Variants in TMEM163 observed in about 807,000 individuals in gnomAD.
The protein encoded by TMEM163 is transmembrane protein 163.
A neutral mutation model predicts 29.3 loss-of-function variants in TMEM163; 17 were observed. That is an observed-to-expected ratio of 0.58 (90% CI 0.40 to 0.87). The LOEUF (loss-of-function observed/expected upper bound fraction) is 0.87. Ranked by LOEUF, TMEM163 falls within the 40% of genes least tolerant of loss-of-function variation. The pLI, the probability that TMEM163 is intolerant of heterozygous loss-of-function variation, is 0.00. For missense variants in TMEM163, 303 were observed against 381.5 expected, an observed-to-expected ratio of 0.79 and a Z score of 1.71; for synonymous variants, 157 against 160.6, an observed-to-expected ratio of 0.98 and a Z score of 0.17.
chr2:134,505,231 G>A (rs1282270985), intron 4 of TMEM163, among the ~76,000 whole-genome samples: 2 of 138,326 alleles, frequency 1.4e-5, no homozygotes, highest in East Asian at 4.5e-4. Context: ...TACTCACCTG[G>A]GGAATTCCTT....
chr2:134,604,400 G>T (rs1485406905), intron 2 of TMEM163, among the ~76,000 whole-genome samples: 1 of 149,776 alleles, frequency 6.7e-6, no homozygotes, highest in East Asian at 2.0e-4. Flanking sequence ...GAAAAACCAA[G>T]TTTGAGAACT....
intron 2 of TMEM163, among the ~76,000 whole-genome samples, chr2:134,570,356 C>G (rs1007920857): frequency 6.6e-6 from 1 of 152,062 alleles, no homozygotes; most frequent in Non-Finnish European, 1.5e-5. Flanking sequence ...AAGGCAGGAA[C>G]AGAAATGTAT....
intron 5 of TMEM163, among the ~76,000 whole-genome samples, chr2:134,495,121 G>C (rs1229198554): frequency 6.6e-6 from 1 of 152,242 alleles, no homozygotes; most frequent in Non-Finnish European, 1.5e-5. Context: ...CAAAGGAAAG[G>C]ATGAGTGTCT....
intron 4 of TMEM163, among the ~76,000 whole-genome samples, chr2:134,517,317 T>C (rs1680093632): frequency 6.6e-6 from 1 of 152,140 alleles, no homozygotes; most frequent in Non-Finnish European, 1.5e-5. Context: ...GAGTATACAT[T>C]ACCTTTCCCC....
At chr2:134,461,188 A>G (rs1686526798) in intron 6 of TMEM163, among the ~76,000 whole-genome samples, 1 of 152,224 alleles carries the variant, frequency 6.6e-6, no homozygotes, top group Admixed American at 6.5e-5. Flanking sequence ...TCAGTTTAGG[A>G]GCATACAATG....
intron 5 of TMEM163, among the ~76,000 whole-genome samples, chr2:134,491,218 G>A (rs1004367046): frequency 1.3e-5 from 2 of 152,192 alleles, no homozygotes; most frequent in Non-Finnish European, 2.9e-5. Flanking sequence ...ACGAACACCA[G>A]TGTCCTGAAT....
chr2:134,675,492 G>A (rs1389651096), intron 2 of TMEM163, among the ~76,000 whole-genome samples: 2 of 152,104 alleles, frequency 1.3e-5, no homozygotes, highest in Non-Finnish European at 1.5e-5. Context: ...GTAACACACG[G>A]GAACAGCAGT....
chr2:134,680,362 A>AT (rs540371660), intron 2 of TMEM163, among the ~76,000 whole-genome samples: 125 of 140,496 alleles, frequency 8.9e-4, no homozygotes, highest in African/African-American at 3.4e-3. Context: ...AATGAGACCT[A>AT]TAAAAAAAAA....
At chr2:134,663,819 T>C (rs1480621485) in intron 2 of TMEM163, among the ~76,000 whole-genome samples, 1 of 152,212 alleles carries the variant, frequency 6.6e-6, no homozygotes, top group Non-Finnish European at 1.5e-5. Flanking sequence ...CACATCTGAC[T>C]CCTGCCCTTT....
chr2:134,496,712 G>A (rs16830706), intron 5 of TMEM163, among the ~76,000 whole-genome samples: 1 of 152,206 alleles, frequency 6.6e-6, no homozygotes, highest in African/African-American at 2.4e-5. Context: ...AGACAGACAA[G>A]GAGAGCTTGG....
chr2:134,466,005 C>A (rs1031146695), intron 6 of TMEM163, 109 bp downstream of exon 6: 40 of 760,572 alleles, frequency 5.3e-5, no homozygotes, highest in Non-Finnish European at 5.5e-5. Context: ...GAAATGGATT[C>A]CAAATTATTG....
chr2:134,588,122 A>G (rs1181076201), intron 2 of TMEM163, among the ~76,000 whole-genome samples: 1 of 152,180 alleles, frequency 6.6e-6, no homozygotes, highest in Non-Finnish European at 1.5e-5. Flanking sequence ...AAGAGAATTC[A>G]CCACGTGAAT....
At chr2:134,697,479 T>G (rs1558995516) in intron 2 of TMEM163, among the ~76,000 whole-genome samples, 2 of 151,542 alleles carry the variant, frequency 1.3e-5, no homozygotes, top group Non-Finnish European at 2.9e-5. Flanking sequence ...TTTTTTTTTT[T>G]TTGAGATGGA....
chr2:134,649,112 G>A (rs186867734), intron 2 of TMEM163, among the ~76,000 whole-genome samples: 90 of 152,154 alleles, frequency 5.9e-4, no homozygotes, highest in African/African-American at 1.9e-3. Flanking sequence ...AAGTGTGTGC[G>A]ACAAAATAAT....
intron 2 of TMEM163, among the ~76,000 whole-genome samples, chr2:134,596,363 A>G (rs922947778): frequency 2.0e-5 from 3 of 152,222 alleles, no homozygotes; most frequent in Non-Finnish European, 2.9e-5. Context: ...CATTTTTTAA[A>G]TAGGGAATCC....
chr2:134,463,072 C>G (rs745770595), intron 6 of TMEM163, among the ~76,000 whole-genome samples: 6 of 152,250 alleles, frequency 3.9e-5, no homozygotes, highest in South Asian at 2.1e-4. Context: ...CAGACCCACA[C>G]TGCCTACCCC....
intron 2 of TMEM163, among the ~76,000 whole-genome samples, chr2:134,630,277 T>C (rs766213990): frequency 8.0e-5 from 12 of 149,642 alleles, no homozygotes; most frequent in Middle Eastern, 3.2e-3. Context: ...TAGGACAGGG[T>C]AGGTTTCTCA....
intron 2 of TMEM163, among the ~76,000 whole-genome samples, chr2:134,672,138 C>G (rs1346169844): frequency 6.6e-6 from 1 of 152,194 alleles, no homozygotes; most frequent in Admixed American, 6.5e-5. Context: ...TTAGCTGTTG[C>G]TATTTCTGCC....
At chr2:134,641,416 C>T (rs977583587) in intron 2 of TMEM163, among the ~76,000 whole-genome samples, 15 of 152,092 alleles carry the variant, frequency 9.9e-5, no homozygotes, top group Non-Finnish European at 1.9e-4. Context: ...AATATCTTTG[C>T]GAACTGAGCA....
Sources: allele counts gnomAD v4.1 joint callset (sites outside exome capture counted in the v4.1 genomes callset), GRCh38; gene constraint gnomAD v4.1.1; transcripts MANE v1.5; gene names NCBI Gene and HGNC (gene_info 2026-07-23, HGNC 2026-07-21).